Variants in TMT1A observed in about 807,000 individuals in gnomAD.
The protein encoded by TMT1A is thiol S-methyltransferase TMT1A.
chr12:50,925,433 A>C, the TMT1A span: 17 of 1,614,248 alleles, frequency 1.1e-5, no homozygotes, highest in African/African-American at 2.3e-4. Context: ...AACATGCACC[A>C]GGTGGCTGAT....
the TMT1A span, among the ~76,000 whole-genome samples, chr12:50,925,948 C>A: frequency 8.1e-6 from 1 of 124,130 alleles, no homozygotes; most frequent in East Asian, 2.6e-4. Flanking sequence ...CCTGGTGGGG[C>A]AGAGGTTAAA....
the TMT1A span, chr12:50,931,593 C>G: frequency 6.6e-6 from 1 of 150,520 alleles, no homozygotes; most frequent in Non-Finnish European, 1.5e-5. Flanking sequence ...TGCCTGTAAT[C>G]CCAGGTACTT....
At chr12:50,926,852 C>T in the TMT1A span, among the ~76,000 whole-genome samples, 1 of 152,160 alleles carries the variant, frequency 6.6e-6, no homozygotes, top group Non-Finnish European at 1.5e-5. Context: ...TCATTTTAAA[C>T]CTTTCCGTAA....
chr12:50,928,591 A>G, the TMT1A span, among the ~76,000 whole-genome samples: 11 of 152,142 alleles, frequency 7.2e-5, no homozygotes, highest in African/African-American at 2.4e-4. Flanking sequence ...TGCACAAAAC[A>G]TCTCATGTAA....
At chr12:50,925,210 C>T in the TMT1A span, 1 of 1,614,224 alleles carries the variant, frequency 6.2e-7, no homozygotes, top group Non-Finnish European at 8.5e-7. Flanking sequence ...GAAGCGGGAG[C>T]TCTTCAGTAA....
the TMT1A span, chr12:50,925,246 G>A: frequency 3.7e-6 from 6 of 1,614,058 alleles, no homozygotes; most frequent in African/African-American, 1.3e-5. Flanking sequence ...GGGCCCCTCC[G>A]GGAAACTCTC....
At chr12:50,926,853 C>A in the TMT1A span, among the ~76,000 whole-genome samples, 2 of 152,138 alleles carry the variant, frequency 1.3e-5, no homozygotes, top group African/African-American at 4.8e-5. Context: ...CATTTTAAAC[C>A]TTTCCGTAAA....
the TMT1A span, among the ~76,000 whole-genome samples, chr12:50,926,079 A>C: frequency 6.6e-6 from 1 of 151,184 alleles, no homozygotes; most frequent in Admixed American, 6.6e-5. Context: ...AAAACTCCCC[A>C]AAACAAAGTT....
chr12:50,927,208 G>A, the TMT1A span, among the ~76,000 whole-genome samples: 1 of 152,058 alleles, frequency 6.6e-6, no homozygotes, highest in Admixed American at 6.6e-5. Flanking sequence ...TTGTATTTTT[G>A]TAGAGATGAG....
the TMT1A span, among the ~76,000 whole-genome samples, chr12:50,929,663 T>G: frequency 1.3e-5 from 2 of 152,224 alleles, no homozygotes; most frequent in Admixed American, 1.3e-4. Flanking sequence ...TTGAATTCAG[T>G]AATGATTTTA....
chr12:50,932,295 A>T, the TMT1A span: 1 of 152,246 alleles, frequency 6.6e-6, no homozygotes, highest in Non-Finnish European at 1.5e-5. Context: ...CTGTTGGAAG[A>T]TGATTTCTTT....
the TMT1A span, chr12:50,925,169 CTGTGATATACAACGAA>C: frequency 6.2e-7 from 1 of 1,614,214 alleles, no homozygotes; most frequent in Non-Finnish European, 8.5e-7. Context: ...GTGAGGTTCA[CTGTGATATACAACGAA>C]CAGATGGCAA....
chr12:50,930,138 T>C, the TMT1A span: 1 of 1,606,844 alleles, frequency 6.2e-7, no homozygotes, highest in Middle Eastern at 1.7e-4. Context: ...TCTATGGATA[T>C]GCTGTGAAAT....
the TMT1A span, chr12:50,931,948 CAAG>C: frequency 1.3e-5 from 2 of 152,256 alleles, no homozygotes; most frequent in Non-Finnish European, 2.9e-5. Flanking sequence ...AATTAACATA[CAAG>C]GTTGCCACAC....
chr12:50,931,385 T>A, the TMT1A span: 1 of 152,008 alleles, frequency 6.6e-6, no homozygotes, highest in Non-Finnish European at 1.5e-5. Flanking sequence ...GCACAGATTT[T>A]TTCTTTCTGC....
At chr12:50,925,303 C>A in the TMT1A span, 4 of 1,614,092 alleles carry the variant, frequency 2.5e-6, no homozygotes, top group Non-Finnish European at 3.4e-6. Flanking sequence ...CAAGTTCTAC[C>A]CACCTGGGTG....
the TMT1A span, chr12:50,925,385 A>T: frequency 6.2e-7 from 1 of 1,614,176 alleles, no homozygotes; most frequent in Non-Finnish European, 8.5e-7. Flanking sequence ...GAGAACCGAC[A>T]CCTGCAGTTT....
chr12:50,930,084 G>C, the TMT1A span: 1 of 1,614,094 alleles, frequency 6.2e-7, no homozygotes, highest in Non-Finnish European at 8.5e-7. Flanking sequence ...TGAAGCTGCA[G>C]CACATCCAGG....
At chr12:50,926,016 CAAAAAAAAAAA>C in the TMT1A span, among the ~76,000 whole-genome samples, 25 of 26,064 alleles carry the variant, frequency 9.6e-4, no homozygotes, top group South Asian at 2.0e-3. Context: ...AACTCCATCT[CAAAAAAAAAAA>C]AAAAAAAAAA....
Sources: gnomAD v4.1 joint callset for allele counts (sites outside exome capture counted in the v4.1 genomes callset) on GRCh38, gnomAD v4.1.1 for gene constraint, MANE v1.5 for transcripts, NCBI Gene and HGNC (gene_info 2026-07-23, HGNC 2026-07-21) for gene names.